GSK3B: variants seen among roughly 807,000 people sequenced by gnomAD.
The protein encoded by GSK3B is glycogen synthase kinase 3 beta.
Under a neutral mutation model 56.4 loss-of-function variants are expected in GSK3B, and 15 were observed. The ratio of observed to expected loss-of-function variants is 0.27; its 90% CI spans 0.18 to 0.41. The LOEUF is 0.41. Ranked by LOEUF, GSK3B falls within the 10% of genes least tolerant of loss-of-function variation. GSK3B has a pLI of 1.00. For synonymous variants in GSK3B, 181 were observed against 188.9 expected (o/e 0.96, Z 0.34); for missense variants, 300 against 513.4 (o/e 0.58, Z 4.02).
intron 7 of GSK3B, among the ~76,000 whole-genome samples, chr3:119,904,899 C>T (rs1016279130): frequency 1.3e-5 from 2 of 150,836 alleles, no homozygotes; most frequent in African/African-American, 2.4e-5. Context: ...GGTGTTGTTG[C>T]TTTGTCCAAA....
rs560733492 is a variant in GSK3B at position 119,843,385 on chromosome 3, C to T, written c.1097-32G>A. On this transcript the variant is annotated intron_variant, in intron 9 of 10. Coordinates refer to ENST00000264235, the MANE Select transcript of GSK3B (RefSeq NM_001146156.2). ...AAGGTTAAGACACAAATGTTAGAGT[C>T]CACTCTTAACTTTGTATGCAAAACT... 4.4e-5 allele frequency: 52 copies of T among 1,184,502 alleles called. No individual in the cohort carries two copies. In the South Asian group the frequency reaches 6.0e-4, roughly 14 times the overall value. 73.4% of individuals were successfully genotyped at this position (1,184,502 alleles called of 1,614,324 possible).
At chr3:119,948,076 T>G (rs557201014) in intron 2 of GSK3B, among the ~76,000 whole-genome samples, 1 of 152,314 alleles carries the variant, frequency 6.6e-6, no homozygotes, top group East Asian at 1.9e-4. Flanking sequence ...ACAAAGAGGT[T>G]ATTATAGTCC....
At chr3:119,851,687 C>A (rs1277769802) in intron 9 of GSK3B, among the ~76,000 whole-genome samples, 1 of 152,108 alleles carries the variant, frequency 6.6e-6, no homozygotes, top group Non-Finnish European at 1.5e-5. Context: ...CTGCAGATCT[C>A]CAAAAAGGAG....
At chr3:119,966,610 A>G (rs1261198019) in intron 2 of GSK3B, among the ~76,000 whole-genome samples, 2 of 152,220 alleles carry the variant, frequency 1.3e-5, no homozygotes, top group Non-Finnish European at 2.9e-5. Context: ...AATCAGAGAG[A>G]CTGGCTGGGG....
At chr3:119,978,835 C>T (rs1307481408) in intron 2 of GSK3B, among the ~76,000 whole-genome samples, 2 of 152,290 alleles carry the variant, frequency 1.3e-5, no homozygotes, top group Non-Finnish European at 2.9e-5. Flanking sequence ...TCAGCCATCC[C>T]GGTCCTCAGA....
chr3:119,966,804 T>C (rs1023776285), intron 2 of GSK3B, among the ~76,000 whole-genome samples: 24 of 152,096 alleles, frequency 1.6e-4, no homozygotes, highest in African/African-American at 5.3e-4. Context: ...TAACATTACA[T>C]ACTGAAAAGA....
intron 9 of GSK3B, among the ~76,000 whole-genome samples, chr3:119,860,815 C>G (rs1399744278): frequency 6.6e-6 from 1 of 152,166 alleles, no homozygotes; most frequent in Non-Finnish European, 1.5e-5. Flanking sequence ...TGGTACACGG[C>G]ACTCAAACAT....
At chr3:119,914,444 A>C (rs2056763089) in intron 5 of GSK3B, among the ~76,000 whole-genome samples, 1 of 152,084 alleles carries the variant, frequency 6.6e-6, no homozygotes. Context: ...ACACTATATG[A>C]GAACAGAAGC....
chr3:120,058,407 A>G (rs985443321), intron 1 of GSK3B, among the ~76,000 whole-genome samples: 1 of 152,208 alleles, frequency 6.6e-6, no homozygotes, highest in African/African-American at 2.4e-5. Flanking sequence ...AATTTGGACT[A>G]GCCAACTTTC....
At chr3:119,885,041 G>A (rs1423484345) in intron 7 of GSK3B, among the ~76,000 whole-genome samples, 2 of 151,890 alleles carry the variant, frequency 1.3e-5, no homozygotes, top group Non-Finnish European at 2.9e-5. Context: ...AAAATAAGTA[G>A]TTAAACTATT....
At position 119,980,401 on chromosome 3, in the gene GSK3B, G is replaced by A. The variant is rs2057448571; in HGVS notation, c.282+21645C>T. Among the ~76,000 whole-genome samples, 3 of 152,030 alleles carry A rather than the reference G, an allele frequency of 2.0e-5. No individual in the cohort carries two copies. The South Asian group carries it at 6.2e-4, about 32-fold the overall frequency. On this transcript the variant is annotated intron_variant, in intron 2 of 10. Transcript: ENST00000264235. ...GAGTTTCGCTCTTGTTGCCCAGGCTGAAGTACAATAGCACAATCTCAGCTC... is the reference window on the plus strand; with the variant it reads ...GAGTTTCGCTCTTGTTGCCCAGGCTAAAGTACAATAGCACAATCTCAGCTC...
rs147662771 is a variant in GSK3B, at chr3:119,987,978, T to C, written c.282+14068A>G. 8.7e-3 allele frequency among the ~76,000 whole-genome samples: 1,333 copies of C among 152,356 alleles called. 14 individuals are homozygous for C. The highest frequency in any genetic ancestry group is 0.031 in the African/African-American group (1,273 of 41,582). ...AATTATTGTGTGTCATCCTTGTCAATTGTGTCTTTATGGCTACCCTAAAAC... is the reference window on the plus strand; with the variant it reads ...AATTATTGTGTGTCATCCTTGTCAACTGTGTCTTTATGGCTACCCTAAAAC... On this transcript the variant is annotated intron_variant, in intron 2 of 10. Coordinates refer to ENST00000264235, the MANE Select transcript of GSK3B (RefSeq NM_001146156.2).
At chr3:119,872,627 T>C (rs1028048452) in intron 8 of GSK3B, among the ~76,000 whole-genome samples, 3 of 152,096 alleles carry the variant, frequency 2.0e-5, no homozygotes, top group Admixed American at 2.0e-4. Context: ...TATGATATGA[T>C]GGTGGCCTAA....
At chr3:119,875,261 A>G (rs2056297524) in intron 8 of GSK3B, among the ~76,000 whole-genome samples, 1 of 152,044 alleles carries the variant, frequency 6.6e-6, no homozygotes, top group Non-Finnish European at 1.5e-5. Context: ...TTGAAGAAAA[A>G]GTAACTGGAA....
At chr3:120,086,792 C>A (rs1181978538) in intron 1 of GSK3B, among the ~76,000 whole-genome samples, 1 of 151,614 alleles carries the variant, frequency 6.6e-6, no homozygotes, top group African/African-American at 2.4e-5. Context: ...CACAGCGAGA[C>A]CCTGTCTCCA....
At chr3:119,961,666 C>G (rs895975352) in intron 2 of GSK3B, among the ~76,000 whole-genome samples, 4 of 146,336 alleles carry the variant, frequency 2.7e-5, no homozygotes, top group African/African-American at 1.0e-4. Flanking sequence ...AAGCACTTGA[C>G]AAAATTCACC....
chr3:119,843,218 AAT>A, intron 10 of GSK3B, 35 bp downstream of exon 10: 1 of 1,357,222 alleles, frequency 7.4e-7, no homozygotes, highest in South Asian at 1.2e-5. Flanking sequence ...CCCAGCCCAG[AAT>A]ATGTTTTTAT....
intron 1 of GSK3B, among the ~76,000 whole-genome samples, chr3:120,005,233 A>G (rs1359096928): frequency 6.6e-6 from 1 of 152,154 alleles, no homozygotes; most frequent in Non-Finnish European, 1.5e-5. Context: ...GAAAAAAAAG[A>G]GTGAAAAGAA....
At chr3:119,986,124 C>T (rs549897132) in intron 2 of GSK3B, among the ~76,000 whole-genome samples, 1 of 152,166 alleles carries the variant, frequency 6.6e-6, no homozygotes, top group African/African-American at 2.4e-5. Context: ...GGAAAACTAG[C>T]TAGCCATATG....
Sources: allele counts gnomAD v4.1 joint callset (sites outside exome capture counted in the v4.1 genomes callset), GRCh38; gene constraint gnomAD v4.1.1; transcripts MANE v1.5; gene names NCBI Gene and HGNC (gene_info 2026-07-23, HGNC 2026-07-21).